Variants in LRRTM4 observed in about 807,000 individuals in gnomAD.
LRRTM4 encodes the protein leucine rich repeat transmembrane neuronal 4.
A neutral mutation model predicts 47.6 loss-of-function variants in LRRTM4; 25 were observed. The ratio of observed to expected loss-of-function variants is 0.53; its 90% confidence interval spans 0.38 to 0.73. The LOEUF is 0.73. Ranked by LOEUF, LRRTM4 falls within the 30% of genes least tolerant of loss-of-function variation. LRRTM4 has a pLI of 0.00. For missense variants in LRRTM4, 638 were observed against 713.4 expected (o/e 0.89, Z 1.20); for synonymous variants, 311 against 269.5 (o/e 1.15, Z -1.51).
intron 3 of LRRTM4, among the ~76,000 whole-genome samples, chr2:77,107,678 C>T (rs1314866293): frequency 3.3e-5 from 5 of 151,740 alleles, no homozygotes; most frequent in Admixed American, 1.3e-4. Context: ...ATTAGCCTGG[C>T]GTGGTGATGC....
intron 3 of LRRTM4, among the ~76,000 whole-genome samples, chr2:77,263,207 C>G (rs374117973): frequency 1.3e-5 from 2 of 152,074 alleles, no homozygotes; most frequent in African/African-American, 4.8e-5. Flanking sequence ...GAGTGATGCA[C>G]CTGGAGAGGG....
chr2:76,945,868 T>G (rs555673173), intron 3 of LRRTM4, among the ~76,000 whole-genome samples: 1 of 151,968 alleles, frequency 6.6e-6, no homozygotes, highest in African/African-American at 2.4e-5. Context: ...CATTCAAGTA[T>G]GCAAAAATAA....
At chr2:77,034,947 A>G (rs1191776615) in intron 3 of LRRTM4, among the ~76,000 whole-genome samples, 1 of 151,876 alleles carries the variant, frequency 6.6e-6, no homozygotes, top group Non-Finnish European at 1.5e-5. Context: ...TAAAGGCAAG[A>G]TATTTCACAT....
intron 3 of LRRTM4, among the ~76,000 whole-genome samples, chr2:76,763,109 A>AT (rs1673321273): frequency 6.6e-6 from 1 of 152,156 alleles, no homozygotes; most frequent in Non-Finnish European, 1.5e-5. Context: ...TTTACAAAAG[A>AT]TTTTGTGACA....
intron 3 of LRRTM4, among the ~76,000 whole-genome samples, chr2:76,864,984 C>T (rs934892967): frequency 6.6e-6 from 1 of 151,722 alleles, no homozygotes; most frequent in African/African-American, 2.4e-5. Flanking sequence ...GATTCTTCTG[C>T]CTCAGCCTCC....
intron 3 of LRRTM4, among the ~76,000 whole-genome samples, chr2:77,072,691 C>T (rs946500868): frequency 6.2e-5 from 9 of 145,672 alleles, no homozygotes; most frequent in African/African-American, 1.8e-4. Context: ...TCCAGCTACT[C>T]GGGAGGCTGA....
At chr2:76,880,987 C>G (rs1253122821) in intron 3 of LRRTM4, among the ~76,000 whole-genome samples, 1 of 152,020 alleles carries the variant, frequency 6.6e-6, no homozygotes, top group Non-Finnish European at 1.5e-5. Flanking sequence ...AAAGGGTAAT[C>G]AAATTACAGT....
intron 3 of LRRTM4, 70 bp from the exon 4 acceptor site, chr2:76,748,986 G>T: frequency 7.7e-7 from 1 of 1,291,594 alleles, no homozygotes; most frequent in African/African-American, 1.5e-5. Context: ...GCACTCATCA[G>T]GTTGTATTTT....
intron 3 of LRRTM4, among the ~76,000 whole-genome samples, chr2:77,512,880 C>A (rs1306884170): frequency 6.6e-6 from 1 of 152,022 alleles, no homozygotes; most frequent in African/African-American, 2.4e-5. Context: ...GATGCTAATA[C>A]CAGCTAATTC....
intron 3 of LRRTM4, among the ~76,000 whole-genome samples, chr2:76,924,993 G>A (rs1453083821): frequency 1.3e-5 from 2 of 152,096 alleles, no homozygotes; most frequent in Non-Finnish European, 2.9e-5. Flanking sequence ...CCTGTTCTTG[G>A]GTGAGAGAGA....
At chr2:76,977,060 T>G (rs911591587) in intron 3 of LRRTM4, among the ~76,000 whole-genome samples, 1 of 151,720 alleles carries the variant, frequency 6.6e-6, no homozygotes, top group East Asian at 2.0e-4. Flanking sequence ...TATGTGTACA[T>G]AGATTTTTCT....
intron 3 of LRRTM4, among the ~76,000 whole-genome samples, chr2:77,167,588 G>GAC (rs1165672552): frequency 6.6e-6 from 1 of 152,156 alleles, no homozygotes; most frequent in Non-Finnish European, 1.5e-5. Flanking sequence ...TTAAGAAAAT[G>GAC]TGGCATATAT....
In LRRTM4 at chr2:76,799,293, C is replaced by G. The variant is rs1301558680; in HGVS notation, c.1552-50377G>C. Among the ~76,000 whole-genome samples, 2 of 110,290 alleles carry G rather than the reference C, an allele frequency of 1.8e-5. 1 individual carries two copies. The highest frequency in any genetic ancestry group is 9.1e-5 in the African/African-American group (2 of 21,886). The allele number at this position is 110,290 out of a possible 152,430, so 72.4% of individuals were successfully genotyped here. On this transcript the variant is annotated intron_variant, in intron 3 of 3. Coordinates refer to ENST00000409884, the MANE Select transcript of LRRTM4 (RefSeq NM_001134745.3). ...TCATCCCTGGGATGCAAGGCTGGTTCAATATACGCAAATCAATAAATGTAA... is the reference window on the plus strand; with the variant it reads ...TCATCCCTGGGATGCAAGGCTGGTTGAATATACGCAAATCAATAAATGTAA...
chr2:76,803,281 G>A (rs764431321), intron 3 of LRRTM4, among the ~76,000 whole-genome samples: 17 of 151,920 alleles, frequency 1.1e-4, no homozygotes, highest in Non-Finnish European at 1.8e-4. Context: ...TTAAAAATGG[G>A]CAAAGAATCT....
chr2:77,425,562 A>G (rs991337924), intron 3 of LRRTM4, among the ~76,000 whole-genome samples: 17 of 152,094 alleles, frequency 1.1e-4, no homozygotes, highest in Non-Finnish European at 2.5e-4. Flanking sequence ...CTCCCTCTAA[A>G]GATTGTTTTC....
At chr2:76,799,802 C>T (rs1353055896) in intron 3 of LRRTM4, among the ~76,000 whole-genome samples, 1 of 139,988 alleles carries the variant, frequency 7.1e-6, no homozygotes, top group Non-Finnish European at 1.5e-5. Context: ...TTCTTATACA[C>T]CAACAACAGA....
intron 3 of LRRTM4, among the ~76,000 whole-genome samples, chr2:77,264,459 A>G (rs1360177036): frequency 6.6e-6 from 1 of 152,080 alleles, no homozygotes; most frequent in African/African-American, 2.4e-5. Flanking sequence ...TTCTTTAGAG[A>G]TCCTATGTCT....
intron 3 of LRRTM4, among the ~76,000 whole-genome samples, chr2:76,776,445 C>A (rs940455663): frequency 5.1e-4 from 77 of 152,168 alleles, no homozygotes; most frequent in South Asian, 1.2e-3. Context: ...TGAAAGATTG[C>A]CATTCTAACT....
chr2:77,474,420 A>G (rs1391607648), intron 3 of LRRTM4, among the ~76,000 whole-genome samples: 2 of 152,048 alleles, frequency 1.3e-5, no homozygotes, highest in African/African-American at 4.8e-5. Context: ...GCCAATTCTC[A>G]GATTATTTGT....
Sources: gnomAD v4.1 joint callset for allele counts (sites outside exome capture counted in the v4.1 genomes callset) on GRCh38, gnomAD v4.1.1 for gene constraint, MANE v1.5 for transcripts, NCBI Gene and HGNC (gene_info 2026-07-23, HGNC 2026-07-21) for gene names.